Variants in SDCCAG8 observed in about 807,000 individuals in gnomAD.
The protein encoded by SDCCAG8 is serologically defined colon cancer antigen 8.
In SDCCAG8, 74 loss-of-function variants were observed where a neutral mutation model predicts 101.8. The observed-to-expected ratio is 0.73, with a 90% CI of 0.60 to 0.88. The LOEUF is 0.88. SDCCAG8 is among the 40% of genes least tolerant of loss of function. The pLI is 0.00. For missense variants in SDCCAG8, 787 were observed against 822.6 expected (o/e 0.96, Z 0.53); for synonymous variants, 281 against 292.9 (o/e 0.96, Z 0.41).
intron 4 of SDCCAG8, among the ~76,000 whole-genome samples, chr1:243,281,118 T>C (rs1267269444): frequency 6.6e-6 from 1 of 152,202 alleles, no homozygotes; most frequent in African/African-American, 2.4e-5. Flanking sequence ...TTTATCATCA[T>C]GTAATGTACC....
At chr1:243,270,922 G>A in intron 2 of SDCCAG8, 56 bp from the exon 3 acceptor site, 1 of 1,287,220 alleles carries the variant, frequency 7.8e-7, no homozygotes, top group East Asian at 2.3e-5. Flanking sequence ...TGGATGGGTG[G>A]TAAGAAACCA....
At chr1:243,407,735 A>G (rs1573873117) in intron 13 of SDCCAG8, among the ~76,000 whole-genome samples, 1 of 152,268 alleles carries the variant, frequency 6.6e-6, no homozygotes, top group East Asian at 1.9e-4. Context: ...TCTTCCCTAG[A>G]AGTGACTCAT....
rs78188245 is a variant in SDCCAG8 at position 243,478,045 on chromosome 1, C to T, written c.1986-10969C>T. On this transcript the variant is annotated intron_variant, in intron 16 of 17. Transcript: ENST00000366541. ...AGAATTAAAATCAAGTCTGGTTCTC[C>T]TCACTGAGCTCATTGGGGAATCCCT... Among the ~76,000 whole-genome samples the T allele has an allele frequency of 9.6e-3, 1,467 of 152,298 alleles. 28 individuals carry two copies. The highest frequency in any genetic ancestry group is 0.032 in the African/African-American group (1,340 of 41,546).
chr1:243,340,748 G>T lies in SDCCAG8; in HGVS notation c.1222-291G>T, dbSNP rs577389763. ...GCACTCTGTTTCATAACTTAATTGG[G>T]TGTTTGATAACTGTCACTTTAGGGT... is the stretch of plus-strand genomic sequence containing the variant. On this transcript the variant is annotated intron_variant, in intron 10 of 17. Transcript: ENST00000366541. Among the ~76,000 whole-genome samples the T allele has an allele frequency of 7.9e-5, 12 of 152,240 alleles. No individual in the cohort carries two copies. In the East Asian group the frequency reaches 2.3e-3, roughly 29 times the overall value.
At chr1:243,311,699 G>A (rs2072741703) in intron 8 of SDCCAG8, among the ~76,000 whole-genome samples, 1 of 151,946 alleles carries the variant, frequency 6.6e-6, no homozygotes, top group African/African-American at 2.4e-5. Context: ...AGGATCACTT[G>A]AGGCCAGGTG....
At chr1:243,401,257 A>G (rs1318805810) in intron 13 of SDCCAG8, among the ~76,000 whole-genome samples, 3 of 152,232 alleles carry the variant, frequency 2.0e-5, no homozygotes, top group Non-Finnish European at 2.9e-5. Context: ...TTAAAGTTTG[A>G]AACCATTCAC....
At chr1:243,312,215 T>C (rs1240102512) in intron 8 of SDCCAG8, among the ~76,000 whole-genome samples, 8 of 152,230 alleles carry the variant, frequency 5.3e-5, no homozygotes, top group Non-Finnish European at 1.0e-4. Flanking sequence ...TCTAGTTTTA[T>C]GTATAGTTAG....
At chr1:243,370,661 ACTT>A (rs1472295614) in intron 12 of SDCCAG8, among the ~76,000 whole-genome samples, 2 of 152,092 alleles carry the variant, frequency 1.3e-5, no homozygotes, top group Non-Finnish European at 2.9e-5. Context: ...TTAGAAAGGC[ACTT>A]CTTTCTTGCC....
intron 1 of SDCCAG8, among the ~76,000 whole-genome samples, chr1:243,256,725 T>C (rs778136270): frequency 6.6e-6 from 1 of 152,236 alleles, no homozygotes; most frequent in Non-Finnish European, 1.5e-5. Flanking sequence ...CATCTGCAGC[T>C]TACACCAATC....
chr1:243,399,891 A>G (rs1180855004), intron 13 of SDCCAG8, among the ~76,000 whole-genome samples: 2 of 152,184 alleles, frequency 1.3e-5, no homozygotes, highest in Non-Finnish European at 2.9e-5. Context: ...AGGCATATTC[A>G]CTTAATCCCC....
chr1:243,271,366 TAATA>T (rs1019251867), intron 3 of SDCCAG8, among the ~76,000 whole-genome samples: 4 of 148,692 alleles, frequency 2.7e-5, no homozygotes, highest in African/African-American at 9.8e-5. Context: ...TAAATTAATA[TAATA>T]AATTATATGT....
Position 243,458,736 on chromosome 1 carries a change from A to T in SDCCAG8, c.1986-30278A>T, listed in dbSNP as rs1658368380. 6.6e-6 allele frequency among the ~76,000 whole-genome samples: 1 copy of T among 152,200 alleles called. No homozygotes were observed. The highest frequency in any genetic ancestry group is 1.5e-5 in the Non-Finnish European group (1 of 68,028). ...TCTTAGCAATATTTTAGCTCCCATA[A>T]TAGTAAAAATTTTTAGAAGCGCTTC... On this transcript the variant is annotated intron_variant, in intron 16 of 17. Transcript: ENST00000366541. This position sits in a 1 kb window ranked among gnomAD's most constrained non-coding sequence, Gnocchi z 4.5.
Position 243,368,961 on chromosome 1 carries a change from T to A in SDCCAG8, c.1474-9760T>A, listed in dbSNP as rs529312523. On this transcript the variant is annotated intron_variant, in intron 12 of 17. Transcript: ENST00000366541. ...TACTACTAAGATAAACTCAGTGTAT[T>A]TCATCCCAGTGGAGTGACATTTCAG... Among the ~76,000 whole-genome samples the A allele has an allele frequency of 3.4e-4, 52 of 152,256 alleles. No homozygotes were observed. The South Asian group carries it at 0.01, about 30-fold the overall frequency.
intron 12 of SDCCAG8, among the ~76,000 whole-genome samples, chr1:243,362,591 T>A (rs1397283039): frequency 6.6e-6 from 1 of 152,252 alleles, no homozygotes; most frequent in African/African-American, 2.4e-5. Context: ...GTACAATGCA[T>A]GACATGTAAT....
At chr1:243,418,734 C>A (rs1031763762) in intron 15 of SDCCAG8, among the ~76,000 whole-genome samples, 1 of 152,184 alleles carries the variant, frequency 6.6e-6, no homozygotes, top group South Asian at 2.1e-4. Flanking sequence ...TCAGCTCCGA[C>A]AGTAACTGAA....
chr1:243,409,414 A>G (rs2080011007), intron 13 of SDCCAG8, among the ~76,000 whole-genome samples: 1 of 152,340 alleles, frequency 6.6e-6, no homozygotes, highest in South Asian at 2.1e-4. Context: ...ATTCACATTT[A>G]TACACTTACA....
chr1:243,385,823 G>A (rs2078248895), intron 13 of SDCCAG8, among the ~76,000 whole-genome samples: 1 of 152,096 alleles, frequency 6.6e-6, no homozygotes, highest in Non-Finnish European at 1.5e-5. Flanking sequence ...TACAAAATTA[G>A]CCAGGCATGG....
chr1:243,390,996 G>A (rs1042033121), intron 13 of SDCCAG8, among the ~76,000 whole-genome samples: 2 of 151,998 alleles, frequency 1.3e-5, no homozygotes, highest in Non-Finnish European at 2.9e-5. Context: ...GCACAGTCTC[G>A]CTGTATTGCC....
chr1:243,420,308 G>C (rs1012399880), intron 15 of SDCCAG8, among the ~76,000 whole-genome samples: 1 of 152,164 alleles, frequency 6.6e-6, no homozygotes, highest in African/African-American at 2.4e-5. Context: ...ATATAGATAC[G>C]CATACATACA....
Sources: allele counts gnomAD v4.1 joint callset (sites outside exome capture counted in the v4.1 genomes callset), GRCh38; gene constraint gnomAD v4.1.1; non-coding constraint Gnocchi (gnomAD v3.1); transcripts MANE v1.5; gene names NCBI Gene and HGNC (gene_info 2026-07-23, HGNC 2026-07-21).